REX1BD: variants seen among roughly 807,000 people sequenced by gnomAD.
REX1BD encodes the protein required for excision 1-B domain containing.
A neutral mutation model predicts 24.4 loss-of-function variants in REX1BD; 22 were observed. The ratio of observed to expected loss-of-function variants is 0.90; its 90% confidence interval spans 0.64 to 1.29. REX1BD has a LOEUF of 1.29. REX1BD is among the 50% of genes most tolerant of loss of function. The probability of loss-of-function intolerance (pLI) is 0.00; values close to 1 mark genes in which losing one functional copy is unlikely to be tolerated. For synonymous variants in REX1BD, 146 were observed against 125.9 expected (o/e 1.16, Z -1.07); for missense variants, 293 against 285.3 (o/e 1.03, Z -0.19).
chr19:18,590,331 C>T, intron 3 of REX1BD: 1 of 153,130 alleles, frequency 6.5e-6, no homozygotes, highest in South Asian at 1.9e-4. Context: ...CAGATTCAAG[C>T]GATTCTCCTG....
chr19:18,590,850 C>A lies in REX1BD; in HGVS notation c.454-4C>A. 6.2e-7 allele frequency: 1 copy of A among 1,603,784 alleles called. No homozygotes were observed. Among genetic ancestry groups the A allele is most frequent in the South Asian group, 1.1e-5 (1 of 89,136 alleles). On this transcript the variant is annotated splice_polypyrimidine_tract_variant and splice_region_variant and intron_variant, in intron 3 of 4. Transcript: ENST00000358607. ...ATCCTTCGTGTTGCTCATTCCCCCA[C>A]CAGGTGGCCCTGCTGCAGTTGATGG... is the stretch of plus-strand genomic sequence containing the variant.
At chr19:18,589,722 C>T in intron 3 of REX1BD, 39 bp downstream of exon 3, 1 of 1,440,632 alleles carries the variant, frequency 6.9e-7, no homozygotes, top group Non-Finnish European at 9.0e-7. Context: ...TCTCTAGGAC[C>T]CTGGCCGGCT....
At chr19:18,589,345 G>T in intron 2 of REX1BD, 68 bp from the exon 3 acceptor site, 1 of 1,549,024 alleles carries the variant, frequency 6.5e-7, no homozygotes. Flanking sequence ...GCGGGAGTCA[G>T]GAAGCGTCCT....
At chr19:18,590,760 C>T in intron 3 of REX1BD, 94 bp from the exon 4 acceptor site, 1 of 1,270,420 alleles carries the variant, frequency 7.9e-7, no homozygotes, top group Non-Finnish European at 1.1e-6. Context: ...CACTGCCTTT[C>T]TGGGTGCCTC....
intron 2 of REX1BD, 22 bp downstream of exon 2, chr19:18,589,099 C>T (rs1335196768): frequency 4.0e-6 from 6 of 1,482,536 alleles, no homozygotes; most frequent in Admixed American, 2.4e-5. Context: ...CGCGGAGGGG[C>T]TCAGGGTTCG....
intron 4 of REX1BD, chr19:18,591,794 C>T: frequency 2.8e-6 from 1 of 356,486 alleles, no homozygotes; most frequent in Non-Finnish European, 5.2e-6. Flanking sequence ...GGGGATTCGC[C>T]ATGTTGGCCA....
chr19:18,590,615 G>C (rs1005088752), intron 3 of REX1BD: 1 of 467,000 alleles, frequency 2.1e-6, no homozygotes, highest in East Asian at 4.0e-5. Flanking sequence ...AGACGTCACT[G>C]TTGTTCCCAG....
At chr19:18,591,106 C>T (rs749992725) in intron 4 of REX1BD, 173 bp downstream of exon 4, 8 of 589,822 alleles carry the variant, frequency 1.4e-5, no homozygotes, top group African/African-American at 5.8e-5. Context: ...ACATCAGTTT[C>T]GCTGTGCATT....
chr19:18,589,183 C>A, intron 2 of REX1BD, 106 bp downstream of exon 2: 2 of 1,487,780 alleles, frequency 1.3e-6, no homozygotes, highest in Non-Finnish European at 1.8e-6. Context: ...CCTTGTGTGG[C>A]TGCAGAGTCA....
Position 18,588,831 on chromosome 19 carries a change from G to C in REX1BD, c.30G>C (p.Thr10=). The C allele has an allele frequency of 6.5e-7, 1 of 1,532,994 alleles. No individual in the cohort carries two copies. Among genetic ancestry groups the C allele is most frequent in the South Asian group, 1.2e-5 (1 of 83,888 alleles). 95.0% of individuals were successfully genotyped at this position (1,532,994 alleles called of 1,614,324 possible). Residue 10 remains threonine, a synonymous_variant, in exon 1 of 5, where the codon ACG becomes ACC. Coordinates refer to ENST00000358607, the MANE Select transcript of REX1BD (RefSeq NM_001100418.2). MITETAAEP[T]VPAVPAAEEA... ...TCACCGAGACCGCGGCGGAGCCTAC[G>C]GTCCCTGCAGTGCCTGCTGCTGAGG...
In REX1BD at chr19:18,589,650, C is replaced by T; in HGVS notation, c.420C>T (p.Ser140=). 2 of 1,505,634 alleles carry T rather than the reference C, an allele frequency of 1.3e-6. No homozygotes were observed. The highest frequency in any genetic ancestry group is 1.8e-6 in the Non-Finnish European group (2 of 1,134,750). The allele number at this position is 1,505,634 out of a possible 1,614,324, so 93.3% of individuals were successfully genotyped here. A position where few individuals can be genotyped will look rare whatever the true frequency, so the allele number is the denominator to read the frequency against. Reference sequence around the variant, plus strand: ...CGCTGCTCGCCGGCCACGTGCGCAGCCTGCAGGAGCTGGAGCAGACGCGGC... The same window carrying T: ...CGCTGCTCGCCGGCCACGTGCGCAGTCTGCAGGAGCTGGAGCAGACGCGGC... ...RQPLLAGHVR[S]LQELEQTRLG... is the part of the protein sequence containing the mutation. The change falls in exon 3 of 5, where the codon AGC becomes AGT. Residue 140 remains serine, a synonymous_variant. Transcript: ENST00000358607.
intron 3 of REX1BD, 186 bp from the exon 4 acceptor site, chr19:18,590,668 C>T: frequency 1.7e-6 from 1 of 575,904 alleles, no homozygotes; most frequent in Non-Finnish European, 3.1e-6. Flanking sequence ...GGCCTGCCTG[C>T]TGTCTCCTTT....
chr19:18,591,883 C>T, intron 4 of REX1BD: 2 of 571,530 alleles, frequency 3.5e-6, no homozygotes, highest in South Asian at 4.3e-5. Context: ...CGTGAGCCAC[C>T]ATGCCCAGCC....
At position 18,589,719 on chromosome 19, in the gene REX1BD, G is replaced by T. The variant is rs1350146193; in HGVS notation, c.453+36G>T. 7 of 1,441,956 alleles carry T rather than the reference G, an allele frequency of 4.9e-6. No individual in the cohort carries two copies. The South Asian group carries it at 1.0e-4, about 21-fold the overall frequency. The allele number at this position is 1,441,956 out of a possible 1,614,324, so 89.3% of individuals were successfully genotyped here. A position where few individuals can be genotyped will look rare whatever the true frequency, so the allele number is the denominator to read the frequency against. The stretch of plus-strand genomic sequence containing the variant: ...CACCCCTTCCCCGCCGTGTCTCTAG[G>T]ACCCTGGCCGGCTCCTCTCATGACG... On this transcript the variant is annotated intron_variant, in intron 3 of 4. Transcript: ENST00000358607.
chr19:18,590,054 C>A lies in REX1BD; in HGVS notation c.453+371C>A, dbSNP rs1291515229. The A allele has an allele frequency of 5.9e-5, 15 of 255,628 alleles. No homozygotes were observed. The East Asian group carries it at 1.1e-3, about 20-fold the overall frequency. 15.8% of individuals were successfully genotyped at this position (255,628 alleles called of 1,614,324 possible). Reference sequence around the variant, plus strand: ...CAGGCGAGGGGGGTCCCAGGCCACGCCTCCTCCGTATTATTCCTCCATCAC... The same window carrying A: ...CAGGCGAGGGGGGTCCCAGGCCACGACTCCTCCGTATTATTCCTCCATCAC... On this transcript the variant is annotated intron_variant, in intron 3 of 4. Transcript: ENST00000358607.
At chr19:18,590,301 TA>T (rs1299358521) in intron 3 of REX1BD, 1 of 144,024 alleles carries the variant, frequency 6.9e-6, no homozygotes. Context: ...CGATCTCGGC[TA>T]ACGGCAACCT....
intron 3 of REX1BD, chr19:18,590,619 T>A: frequency 2.1e-6 from 1 of 471,036 alleles, no homozygotes; most frequent in Non-Finnish European, 3.8e-6. Context: ...GTCACTGTTG[T>A]TCCCAGGCCA....
chr19:18,592,238 C>G lies in REX1BD; in HGVS notation c.*58C>G. On this transcript the variant is annotated 3_prime_UTR_variant, in exon 5 of 5. Transcript: ENST00000358607. ...GGGAAACGGGGCGGATGGCGCCCAG[C>G]CCAGCCCTAACTGCCAGCTGGCTGG... 1.3e-6 allele frequency: 2 copies of G among 1,596,050 alleles called. No individual in the cohort carries two copies. Among genetic ancestry groups the G allele is most frequent in the Non-Finnish European group, 1.7e-6 (2 of 1,164,724 alleles).
rs12979427 is a variant in REX1BD, at chr19:18,589,087, G to C, written c.182+10G>C. The C allele has an allele frequency of 3.3e-6, 5 of 1,494,950 alleles. No individual in the cohort carries two copies. The Admixed American group carries it at 6.8e-5, about 20-fold the overall frequency. The allele number at this position is 1,494,950 out of a possible 1,614,324, so 92.6% of individuals were successfully genotyped here. ...TCCGCCGACTGGAGGAGTGAGTGGG[G>C]GCGCGGAGGGGCTCAGGGTTCGGTC... On this transcript the variant is annotated intron_variant, in intron 2 of 4. Transcript: ENST00000358607.
Sources: gnomAD v4.1 joint callset for allele counts on GRCh38, gnomAD v4.1.1 for gene constraint, MANE v1.5 for transcripts, NCBI Gene and HGNC (gene_info 2026-07-23, HGNC 2026-07-21) for gene names.